The following TBRG4 variants were observed in gnomAD, a reference collection of about 807,000 sequenced individuals.
The protein encoded by TBRG4 is FAST kinase domain-containing protein 4.
A neutral mutation model predicts 65.6 loss-of-function variants in TBRG4; 43 were observed. That is an observed-to-expected ratio of 0.66 (90% CI 0.51 to 0.85). TBRG4 has a LOEUF of 0.85. Ranked by LOEUF, TBRG4 falls within the 40% of genes least tolerant of loss-of-function variation. TBRG4 has a pLI of 0.00. For missense variants in TBRG4, 709 were observed against 787.9 expected (o/e 0.90, Z 1.20); for synonymous variants, 366 against 341.4 (o/e 1.07, Z -0.79).
chr7:45,105,598 G>A lies in TBRG4; in HGVS notation c.578C>T (p.Thr193Ile), dbSNP rs1244370601. The A allele has an allele frequency of 4.3e-6, 7 of 1,614,166 alleles. No homozygotes were observed. The East Asian group carries it at 1.1e-4, about 26-fold the overall frequency. Residue 193 changes from threonine to isoleucine, a missense_variant, in exon 3 of 11, where the codon ACC becomes ATC. By Grantham distance (89) the Thr-to-Ile change is moderately conservative (BLOSUM62 -1). Coordinates refer to ENST00000258770, the MANE Select transcript of TBRG4 (RefSeq NM_004749.4). ...CTGCGAGTGCTGCTCCTGTGAGAGG[G>A]TGGCACAGGACTCTGCCAGGAAGGC... is the stretch of plus-strand genomic sequence containing the variant. ...HLAFLAESCA[T>I]LSQEQHSQEL...
In TBRG4 at chr7:45,109,049, T is replaced by C. The variant is rs750100014; in HGVS notation, c.189A>G (p.Ala63=). The change falls in exon 2 of 11, where the codon GCA becomes GCG. Residue 63 remains alanine, a synonymous_variant. Coordinates refer to ENST00000258770, the MANE Select transcript of TBRG4 (RefSeq NM_004749.4). Reference sequence around the variant, plus strand: ...CCTGCTTCTCTATGTAGGGAGTAGATGCTCGTTCCTTCTCCACCGGCTCCA... The same window carrying C: ...CCTGCTTCTCTATGTAGGGAGTAGACGCTCGTTCCTTCTCCACCGGCTCCA... The part of the protein sequence containing the change: ...SLMEPVEKER[A]STPYIEKQVD... The C allele has an allele frequency of 2.5e-6, 4 of 1,613,732 alleles. No individual in the cohort carries two copies. The East Asian group carries it at 6.7e-5, about 27-fold the overall frequency.
At chr7:45,106,219 T>C in intron 2 of TBRG4, 1 of 353,214 alleles carries the variant, frequency 2.8e-6, no homozygotes. Flanking sequence ...CTGAGGTCAT[T>C]TGCAATTGCT....
chr7:45,108,592 T>C (rs1300965234), intron 2 of TBRG4, among the ~76,000 whole-genome samples: 1 of 152,240 alleles, frequency 6.6e-6, no homozygotes, highest in Non-Finnish European at 1.5e-5. Context: ...CTTCTATCAC[T>C]ATGCGTCTTG....
Position 45,101,953 on chromosome 7 carries a change from G to A in TBRG4, c.1439C>T (p.Pro480Leu). 1 of 1,601,574 alleles carries A rather than the reference G, an allele frequency of 6.2e-7. No individual in the cohort carries two copies. The highest frequency in any genetic ancestry group is 1.8e-5 in the Admixed American group (1 of 56,618). Residue 480 changes from proline (P) to leucine (L), a missense_variant, in exon 8 of 11, where the codon CCT becomes CTT. Coordinates refer to ENST00000258770, the MANE Select transcript of TBRG4 (RefSeq NM_004749.4). ...GPLLPASAVA[P>L]GPSALDRKVT... ...CTTCCTGTCAAGGGCTGAGGGCCCA[G>A]GGGCCACAGCCGAGGCAGGCAGAAG...
intron 1 of TBRG4, among the ~76,000 whole-genome samples, chr7:45,110,486 G>A (rs953360224): frequency 3.9e-5 from 6 of 152,074 alleles, no homozygotes; most frequent in Non-Finnish European, 8.8e-5. Context: ...CTAACACGGT[G>A]AAACACCGTC....
rs1784721064 is a variant in TBRG4 at position 45,100,149 on chromosome 7, C to G, written c.*176G>C. ...CTGGGAAGGCCCCAGGGGTCCAACA[C>G]CAAAATTAAAGGTTTATTATACACA... is the stretch of plus-strand genomic sequence containing the variant. On this transcript the variant is annotated 3_prime_UTR_variant, in exon 11 of 11. Transcript: ENST00000258770. 3.5e-6 allele frequency: 2 copies of G among 568,060 alleles called. No individual in the cohort carries two copies. Among genetic ancestry groups the G allele is most frequent in the South Asian group, 2.2e-5 (1 of 44,518 alleles). The allele number at this position is 568,060 out of a possible 1,614,324, so 35.2% of individuals were successfully genotyped here. A position where few individuals can be genotyped will look rare whatever the true frequency, so the allele number is the denominator to read the frequency against.
At chr7:45,106,711 G>C (rs1028174980) in intron 2 of TBRG4, 1 of 152,344 alleles carries the variant, frequency 6.6e-6, no homozygotes, top group African/African-American at 2.4e-5. Context: ...GGAAGGTGGA[G>C]GCTGCAGTGA....
chr7:45,100,265 T>C lies in TBRG4; in HGVS notation c.*60A>G, dbSNP rs936169016. Reference sequence around the variant, plus strand: ...GGTTTGTCCTCAAGGGTGACCCTTCTTGGCCGCCCACAGCTAGACCTCCGG... The same window carrying C: ...GGTTTGTCCTCAAGGGTGACCCTTCCTGGCCGCCCACAGCTAGACCTCCGG... On this transcript the variant is annotated 3_prime_UTR_variant, in exon 11 of 11. Transcript: ENST00000258770. The C allele has an allele frequency of 3.4e-6, 5 of 1,473,780 alleles. No individual in the cohort carries two copies. In the African/African-American group the frequency reaches 5.5e-5, roughly 16 times the overall value. The allele number at this position is 1,473,780 out of a possible 1,614,324, so 91.3% of individuals were successfully genotyped here.
chr7:45,100,474 C>T (rs1452836838), intron 10 of TBRG4, 48 bp from the exon 11 acceptor site: 20 of 1,494,102 alleles, frequency 1.3e-5, no homozygotes, highest in Non-Finnish European at 1.7e-5. Flanking sequence ...GAGATCCCTT[C>T]CAGCCAGTGG....
rs1785051809 is a variant in TBRG4 at position 45,109,213 on chromosome 7, A to G, written c.25T>C (p.Cys9Arg). 6.2e-7 allele frequency: 1 copy of G among 1,606,018 alleles called. No homozygotes were observed. Among genetic ancestry groups the G allele is most frequent in the Non-Finnish European group, 8.5e-7 (1 of 1,175,940 alleles). ...GCAGCTTCTCTCAGGAGGCACGTGC[A>G]TCGCTTTACCAGGTGAGCTGCCATG... is the stretch of plus-strand genomic sequence containing the variant. MAAHLVKRCTCLLREAARQ... is the reference protein window; with the variant it reads MAAHLVKRRTCLLREAARQ... The change falls in exon 2 of 11, where the codon TGC becomes CGC. Residue 9 changes from cysteine (C) to arginine (R), a missense_variant. Physicochemically the swap from Cys to Arg is radical, Grantham distance 180. Coordinates refer to ENST00000258770, the MANE Select transcript of TBRG4 (RefSeq NM_004749.4).
Position 45,111,693 on chromosome 7 carries a change from A to C in TBRG4, c.-101T>G, listed in dbSNP as rs1785134897. ...ATCCGCCGCCCTAACTGTCCCCGGA[A>C]CCATGAGGTGCGCGGCGCGCTTCCC... On this transcript the variant is annotated 5_prime_UTR_variant, in exon 1 of 11. Transcript: ENST00000258770. 5.4e-6 allele frequency: 7 copies of C among 1,289,280 alleles called. No individual in the cohort carries two copies. Among genetic ancestry groups the C allele is most frequent in the East Asian group, 5.5e-5 (1 of 18,020 alleles). The allele number at this position is 1,289,280 out of a possible 1,614,324, so 79.9% of individuals were successfully genotyped here.
At chr7:45,103,272 T>A in intron 6 of TBRG4, 61 bp downstream of exon 6, 1 of 1,394,542 alleles carries the variant, frequency 7.2e-7, no homozygotes, top group South Asian at 1.2e-5. Context: ...GGAGGACGGT[T>A]CATGAGCCAT....
rs567937184 is a variant in TBRG4, at chr7:45,109,281, C to T, written c.-44G>A. 3.3e-6 allele frequency: 5 copies of T among 1,526,202 alleles called. No individual in the cohort carries two copies. The African/African-American group carries it at 5.5e-5, about 17-fold the overall frequency. The allele number at this position is 1,526,202 out of a possible 1,614,324, so 94.5% of individuals were successfully genotyped here. A position where few individuals can be genotyped will look rare whatever the true frequency, so the allele number is the denominator to read the frequency against. On this transcript the variant is annotated 5_prime_UTR_variant, in exon 2 of 11. Coordinates refer to ENST00000258770, the MANE Select transcript of TBRG4 (RefSeq NM_004749.4). ...GAGACAAGACTCCTAGCAAGTGATT[C>T]CAAACCCTGAAGAGAAAAAGGAGAG...
Position 45,100,255 on chromosome 7 carries a change from G to A in TBRG4, c.*70C>T. On this transcript the variant is annotated 3_prime_UTR_variant, in exon 11 of 11. Coordinates refer to ENST00000258770, the MANE Select transcript of TBRG4 (RefSeq NM_004749.4). The stretch of plus-strand genomic sequence containing the variant: ...CCTGCACAGAGGTTTGTCCTCAAGG[G>A]TGACCCTTCTTGGCCGCCCACAGCT... The A allele has an allele frequency of 3.0e-6, 4 of 1,353,832 alleles. No homozygotes were observed. The highest frequency in any genetic ancestry group is 4.1e-6 in the Non-Finnish European group (4 of 970,558). 83.9% of individuals were successfully genotyped at this position (1,353,832 alleles called of 1,614,324 possible). A position where few individuals can be genotyped will look rare whatever the true frequency, so the allele number is the denominator to read the frequency against.
At chr7:45,105,135 G>GC (rs1784897738) in intron 3 of TBRG4, 1 of 648,632 alleles carries the variant, frequency 1.5e-6, no homozygotes, top group Non-Finnish European at 2.9e-6. Context: ...GGAGCTGCCT[G>GC]CCATGCCCCC....
At chr7:45,101,753 C>A in intron 8 of TBRG4, 72 bp downstream of exon 8, 2 of 1,598,080 alleles carry the variant, frequency 1.3e-6, no homozygotes, top group Non-Finnish European at 1.7e-6. Context: ...TTGCTGCAGA[C>A]GGGGTGGGTT....
intron 1 of TBRG4, 36 bp from the exon 2 acceptor site, chr7:45,109,323 G>A: frequency 6.8e-7 from 1 of 1,479,138 alleles, no homozygotes; most frequent in Non-Finnish European, 9.0e-7. Flanking sequence ...GGCTACTACA[G>A]GGGCAGTTCC....
In TBRG4 at chr7:45,102,382, G is replaced by A. The variant is rs755400927; in HGVS notation, c.1286C>T (p.Ala429Val). Reference sequence around the variant, plus strand: ...GATGTGAAATTCAGGGTGGAGGACGGCTTGCAGCTCTGCTTCCCGTGCCTG... The same window carrying A: ...GATGTGAAATTCAGGGTGGAGGACGACTTGCAGCTCTGCTTCCCGTGCCTG... The part of the protein sequence containing the change: ...LQQAREAELQ[A>V]VLHPEFHIQF... The change falls in exon 7 of 11, where the codon GCC becomes GTC. Residue 429 changes from alanine to valine, a missense_variant. Transcript: ENST00000258770. 2.5e-6 allele frequency: 4 copies of A among 1,614,016 alleles called. No individual in the cohort carries two copies. In the Admixed American group the frequency reaches 6.7e-5, roughly 27 times the overall value.
In TBRG4 at chr7:45,105,471, CGA is replaced by C. The variant is rs764634216; in HGVS notation, c.703_704del (p.Ser235GlyfsTer22). 1 of 1,611,192 alleles carries C rather than the reference CGA, an allele frequency of 6.2e-7. No homozygotes were observed. Among genetic ancestry groups the C allele is most frequent in the African/African-American group, 1.3e-5 (1 of 75,026 alleles). On this transcript the variant is annotated frameshift_variant, in exon 3 of 11. Transcript: ENST00000258770. LOFTEE classifies it high-confidence loss of function. ...CTTCCAGGCGGTTCATTAGTGGCTC[CGA>C]GAGGTGTCCCACCTTCATCATGACG... ...VTVMMKVGHL[S>X]EPLMNRLEDK...
Sources: allele counts gnomAD v4.1 joint callset (sites outside exome capture counted in the v4.1 genomes callset), GRCh38; gene constraint gnomAD v4.1.1; transcripts MANE v1.5; gene names NCBI Gene and HGNC (gene_info 2026-07-23, HGNC 2026-07-21).